CD200R1: variants seen among roughly 807,000 people sequenced by gnomAD.
The protein encoded by CD200R1 is CD200 receptor 1.
CD200R1 carries 30 observed loss-of-function variants against 38.1 expected under a neutral mutation model. The observed-to-expected ratio is 0.79, with a 90% CI of 0.59 to 1.07. CD200R1 has a LOEUF of 1.07. CD200R1 is among the 50% of genes least tolerant of loss of function. CD200R1 has a pLI of 0.00. For synonymous variants in CD200R1, 128 were observed against 152.1 expected, an observed-to-expected ratio of 0.84 and a Z score of 1.16; for missense variants, 372 against 415.4, an observed-to-expected ratio of 0.90 and a Z score of 0.91.
At chr3:112,933,865 T>C (rs114601276) in intron 2 of CD200R1, among the ~76,000 whole-genome samples, 1 of 151,978 alleles carries the variant, frequency 6.6e-6, no homozygotes, top group Admixed American at 6.6e-5. Flanking sequence ...AACAACAGCA[T>C]AGAAAACGTA....
intron 2 of CD200R1, among the ~76,000 whole-genome samples, chr3:112,935,061 T>C (rs1940544718): frequency 6.6e-6 from 1 of 152,182 alleles, no homozygotes; most frequent in Non-Finnish European, 1.5e-5. Flanking sequence ...GAAATATATA[T>C]GGACCCAATG....
At chr3:112,962,018 T>C (rs9828321) in intron 1 of CD200R1, among the ~76,000 whole-genome samples, 57,747 of 151,744 alleles carry the variant, frequency 0.38, 11,057 homozygotes, top group Admixed American at 0.44. Flanking sequence ...AACAATTCAA[T>C]AATGAATTTG....
chr3:112,930,364 C>T (rs1193886976), intron 3 of CD200R1, among the ~76,000 whole-genome samples: 1 of 152,178 alleles, frequency 6.6e-6, no homozygotes, highest in Admixed American at 6.6e-5. Context: ...GTCACACATA[C>T]ACTTTCAGAT....
chr3:112,955,884 G>A (rs1468832691), intron 1 of CD200R1, among the ~76,000 whole-genome samples: 1 of 150,982 alleles, frequency 6.6e-6, no homozygotes, highest in Non-Finnish European at 1.5e-5. Flanking sequence ...GTACATTTGA[G>A]CCCGTTTTTA....
chr3:112,937,650 C>T (rs1386266133), intron 2 of CD200R1, among the ~76,000 whole-genome samples: 2 of 151,596 alleles, frequency 1.3e-5, no homozygotes, highest in East Asian at 1.9e-4. Context: ...GTTCTTTTTG[C>T]TGAGAATTGC....
At chr3:112,938,191 T>A (rs1940631195) in intron 2 of CD200R1, among the ~76,000 whole-genome samples, 1 of 152,112 alleles carries the variant, frequency 6.6e-6, no homozygotes, top group Non-Finnish European at 1.5e-5. Context: ...TTTCTTTCTC[T>A]TGCATGATTA....
At chr3:112,930,078 T>TA (rs1456370704) in intron 3 of CD200R1, among the ~76,000 whole-genome samples, 6 of 151,180 alleles carry the variant, frequency 4.0e-5, no homozygotes, top group Admixed American at 2.6e-4. Flanking sequence ...TTCTTTTTTT[T>TA]AAAAAGAATC....
rs564467807 is a variant in CD200R1 at position 112,940,821 on chromosome 3, A to G, written c.136+7035T>C. 2.0e-5 allele frequency among the ~76,000 whole-genome samples: 3 copies of G among 151,946 alleles called. No homozygotes were observed. The South Asian group carries it at 6.2e-4, about 31-fold the overall frequency. On this transcript the variant is annotated intron_variant, in intron 2 of 7. Transcript: ENST00000308611. ...TAAACATTTATTCAAAGGAAAGGAA[A>G]TAAATATGTTAAAGAAATATCTATC... is the stretch of plus-strand genomic sequence containing the variant.
At chr3:112,970,285 T>C (rs559293543) in intron 1 of CD200R1, among the ~76,000 whole-genome samples, 1 of 152,302 alleles carries the variant, frequency 6.6e-6, no homozygotes, top group East Asian at 1.9e-4. Context: ...GGCATATAAA[T>C]TCTATGTAGA....
intron 1 of CD200R1, among the ~76,000 whole-genome samples, chr3:112,959,382 T>A (rs1211111241): frequency 2.6e-5 from 4 of 152,086 alleles, no homozygotes; most frequent in Non-Finnish European, 5.9e-5. Context: ...GACTAACGAA[T>A]GTGGCTATGA....
chr3:112,971,066 T>G (rs1933297292), intron 1 of CD200R1, among the ~76,000 whole-genome samples: 2 of 152,296 alleles, frequency 1.3e-5, no homozygotes, highest in South Asian at 4.1e-4. Flanking sequence ...ACTAGAGTTT[T>G]CTATACAGTC....
intron 1 of CD200R1, among the ~76,000 whole-genome samples, chr3:112,971,521 C>T (rs1002340163): frequency 1.5e-4 from 23 of 152,216 alleles, no homozygotes; most frequent in Middle Eastern, 6.8e-3. Context: ...CATCACAGAA[C>T]TTTTTTCAAA....
chr3:112,941,960 C>T (rs1940738453), intron 2 of CD200R1, among the ~76,000 whole-genome samples: 4 of 151,504 alleles, frequency 2.6e-5, no homozygotes, highest in Admixed American at 2.6e-4. Context: ...AAAAAAACTA[C>T]CAACCTAGAA....
chr3:112,934,131 C>T (rs116262456), intron 2 of CD200R1, among the ~76,000 whole-genome samples: 3,254 of 151,940 alleles, frequency 0.021, 39 homozygotes, highest in South Asian at 0.048. Flanking sequence ...CCAAGAAGTT[C>T]AAAATTTCCC....
chr3:112,925,681 A>G (rs908001453), intron 5 of CD200R1, among the ~76,000 whole-genome samples: 1 of 152,094 alleles, frequency 6.6e-6, no homozygotes, highest in Non-Finnish European at 1.5e-5. Context: ...GAGGTTGGAC[A>G]TGGGCGAAGG....
rs377465187 is a variant in CD200R1 at position 112,948,264 on chromosome 3, T to TA, written c.68-341dup. Among the ~76,000 whole-genome samples the TA allele has an allele frequency of 2.0e-3, 298 of 152,206 alleles. 2 individuals are homozygous for TA. Among genetic ancestry groups the TA allele is most frequent in the African/African-American group, 3.2e-3 (133 of 41,536 alleles). ...GGCTTTTCAAGCACCAATGAGGAGG[T>TA]AAAAAAAGTTTAGTGGGGACTATTG... is the stretch of plus-strand genomic sequence containing the variant. On this transcript the variant is annotated intron_variant, in intron 1 of 7. Coordinates refer to ENST00000308611, the MANE Select transcript of CD200R1 (RefSeq NM_138806.4).
chr3:112,936,522 T>C (rs1468340968), intron 2 of CD200R1, among the ~76,000 whole-genome samples: 1 of 152,224 alleles, frequency 6.6e-6, no homozygotes, highest in African/African-American at 2.4e-5. Flanking sequence ...AGTATCTCAT[T>C]GTAGTTTTGA....
chr3:112,963,454 A>T (rs1933074091), intron 1 of CD200R1, among the ~76,000 whole-genome samples: 1 of 152,198 alleles, frequency 6.6e-6, no homozygotes, highest in South Asian at 2.1e-4. Context: ...TCAGATGGGG[A>T]TGAGGATCTT....
In CD200R1 at chr3:112,929,352, C is replaced by G. The variant is rs1259759109; in HGVS notation, c.358G>C (p.Glu120Gln). The G allele has an allele frequency of 3.1e-6, 5 of 1,614,054 alleles. No individual in the cohort carries two copies. The highest frequency in any genetic ancestry group is 3.3e-5 in the Admixed American group (2 of 59,998). ...ATTCTCTCATCAGTACAGTTGGTTT[C>G]CTTGGTCTCATTTGTTTCTTTCTTG... ...AYKKETNETKETNCTDERITW... is the reference protein window; with the variant it reads ...AYKKETNETKQTNCTDERITW... Residue 120 changes from glutamate to glutamine, a missense_variant, in exon 4 of 8, where the codon GAA becomes CAA. Transcript: ENST00000308611.
Sources: gnomAD v4.1 joint callset for allele counts (sites outside exome capture counted in the v4.1 genomes callset) on GRCh38, gnomAD v4.1.1 for gene constraint, MANE v1.5 for transcripts, NCBI Gene and HGNC (gene_info 2026-07-23, HGNC 2026-07-21) for gene names.